The following ZMAT4 variants were observed in gnomAD, a reference collection of about 807,000 sequenced individuals.
ZMAT4 encodes the protein zinc finger matrin-type 4, also known as zinc finger matrin-type protein 4.
Under a neutral mutation model 28.7 loss-of-function variants are expected in ZMAT4, and 17 were observed. The ratio of observed to expected loss-of-function variants is 0.59; its 90% CI spans 0.41 to 0.89. The LOEUF (loss-of-function observed/expected upper bound fraction) is 0.89, where lower values mean the gene tolerates loss of function less well. Among genes scored for constraint, ZMAT4 ranks in the 40% least tolerant of loss-of-function variants. ZMAT4 has a pLI of 0.00. For missense variants in ZMAT4, 240 were observed against 283.8 expected (o/e 0.85, Z 1.11); for synonymous variants, 117 against 109.2 (o/e 1.07, Z -0.44).
At chr8:40,621,396 G>T (rs1002825025) in intron 5 of ZMAT4, among the ~76,000 whole-genome samples, 1 of 152,192 alleles carries the variant, frequency 6.6e-6, no homozygotes, top group Non-Finnish European at 1.5e-5. Flanking sequence ...AAATGACTGA[G>T]AGTAGGATAC....
At chr8:40,643,789 CAA>C (rs11416412) in intron 5 of ZMAT4, among the ~76,000 whole-genome samples, 29 of 137,622 alleles carry the variant, frequency 2.1e-4, no homozygotes, top group Non-Finnish European at 2.4e-4. Context: ...TGTGTGTGTG[CAA>C]AAAAAAAAAA....
intron 6 of ZMAT4, among the ~76,000 whole-genome samples, chr8:40,546,035 G>C (rs192636285): frequency 6.6e-6 from 1 of 151,926 alleles, no homozygotes; most frequent in East Asian, 1.9e-4. Context: ...GGAAGTTACG[G>C]AGCCAGTGTA....
At chr8:40,700,228 T>C (rs1810074654) in intron 3 of ZMAT4, among the ~76,000 whole-genome samples, 1 of 149,970 alleles carries the variant, frequency 6.7e-6, no homozygotes, top group Non-Finnish European at 1.5e-5. Flanking sequence ...TGGACTCACA[T>C]ACTCCTAATT....
intron 1 of ZMAT4, among the ~76,000 whole-genome samples, chr8:40,881,474 AGAAAGAAAG>A (rs1219693978): frequency 2.0e-5 from 3 of 148,290 alleles, no homozygotes; most frequent in African/African-American, 7.5e-5. Flanking sequence ...AAAGAAAGAA[AGAAAGAAAG>A]AAAGAAAGAA....
At chr8:40,536,388 C>T (rs1802847775) in intron 6 of ZMAT4, among the ~76,000 whole-genome samples, 1 of 152,202 alleles carries the variant, frequency 6.6e-6, no homozygotes, top group Admixed American at 6.5e-5. Context: ...TTGCAGTCAG[C>T]TCTGCAGCCT....
intron 4 of ZMAT4, among the ~76,000 whole-genome samples, chr8:40,681,333 T>TA (rs1219395051): frequency 6.6e-6 from 1 of 152,244 alleles, no homozygotes; most frequent in Non-Finnish European, 1.5e-5. Context: ...GCATTTTTTC[T>TA]AAAAAACACT....
chr8:40,818,647 G>T (rs1461968676), intron 2 of ZMAT4, among the ~76,000 whole-genome samples: 1 of 152,182 alleles, frequency 6.6e-6, no homozygotes, highest in Non-Finnish European at 1.5e-5. Flanking sequence ...TACCCAGTTA[G>T]CACTTGCATC....
At position 40,575,948 on chromosome 8, in the gene ZMAT4, A is replaced by G. The variant is rs560855504; in HGVS notation, c.674+5217T>C. Among the ~76,000 whole-genome samples the G allele has an allele frequency of 9.2e-5, 14 of 152,292 alleles. No homozygotes were observed. The South Asian group carries it at 2.9e-3, about 32-fold the overall frequency. Reference sequence around the variant, plus strand: ...ATTCATTATCAGAATGAGAAATTCAACAAAAAGTTAGATATCTCAAAAAAG... The same window carrying G: ...ATTCATTATCAGAATGAGAAATTCAGCAAAAAGTTAGATATCTCAAAAAAG... On this transcript the variant is annotated intron_variant, in intron 6 of 6. Transcript: ENST00000297737.
intron 2 of ZMAT4, among the ~76,000 whole-genome samples, chr8:40,794,109 T>G (rs1454492805): frequency 6.6e-6 from 1 of 152,192 alleles, no homozygotes; most frequent in African/African-American, 2.4e-5. Flanking sequence ...TTTTGGAAAT[T>G]TTTGAACTCA....
intron 2 of ZMAT4, 88 bp from the exon 3 acceptor site, chr8:40,767,818 G>T: frequency 9.4e-7 from 1 of 1,059,088 alleles, no homozygotes; most frequent in Non-Finnish European, 1.4e-6. Context: ...AATGCAAAAA[G>T]AAATGTATTT....
At chr8:40,792,899 T>G (rs1037359958) in intron 2 of ZMAT4, among the ~76,000 whole-genome samples, 1 of 151,822 alleles carries the variant, frequency 6.6e-6, no homozygotes, top group African/African-American at 2.4e-5. Flanking sequence ...TTCTAAATAA[T>G]GGAAAACTAT....
intron 1 of ZMAT4, among the ~76,000 whole-genome samples, chr8:40,863,909 A>G (rs1356050865): frequency 6.6e-6 from 1 of 152,200 alleles, no homozygotes; most frequent in Admixed American, 6.5e-5. Context: ...ATATCAAAAT[A>G]ATTATCACAC....
Position 40,795,226 on chromosome 8 carries a change from T to C in ZMAT4, c.103-27496A>G, listed in dbSNP as rs375372574. On this transcript the variant is annotated intron_variant, in intron 2 of 6. Coordinates refer to ENST00000297737, the MANE Select transcript of ZMAT4 (RefSeq NM_024645.3). ...CAAGCATCCGATCATTGCAGCTGAT[T>C]TGGGGGCAAACCTCCAAGAACAGTT... Among the ~76,000 whole-genome samples, 34 of 152,258 alleles carry C rather than the reference T, an allele frequency of 2.2e-4. 1 individual carries two copies. Among genetic ancestry groups the C allele is most frequent in the Non-Finnish European group, 3.7e-4 (25 of 68,030 alleles).
At chr8:40,881,282 A>G (rs35015019) in intron 1 of ZMAT4, among the ~76,000 whole-genome samples, 32,658 of 151,160 alleles carry the variant, frequency 0.22, 3,598 homozygotes, top group Admixed American at 0.25. Context: ...CTGGCTACTG[A>G]GGAGGCTGAG....
chr8:40,622,017 C>A (rs1324271899), intron 5 of ZMAT4, among the ~76,000 whole-genome samples: 3 of 152,138 alleles, frequency 2.0e-5, no homozygotes, highest in Non-Finnish European at 2.9e-5. Context: ...CATTTCAATT[C>A]ACTATAAGAA....
chr8:40,707,598 TGTGA>T (rs1029009501), intron 3 of ZMAT4, among the ~76,000 whole-genome samples: 5 of 151,650 alleles, frequency 3.3e-5, no homozygotes, highest in African/African-American at 1.2e-4. Context: ...TATCTTTGTG[TGTGA>T]GTATGTATAT....
intron 2 of ZMAT4, among the ~76,000 whole-genome samples, chr8:40,806,405 G>A (rs2150591966): frequency 6.6e-6 from 1 of 152,260 alleles, no homozygotes; most frequent in South Asian, 2.1e-4. Flanking sequence ...TCACACATAT[G>A]AAAAATGTCC....
At chr8:40,762,493 T>C (rs143342903) in intron 3 of ZMAT4, among the ~76,000 whole-genome samples, 1 of 146,842 alleles carries the variant, frequency 6.8e-6, no homozygotes, top group Non-Finnish European at 1.5e-5. Context: ...TCTCTACAAA[T>C]TTTTTTTTTT....
intron 5 of ZMAT4, among the ~76,000 whole-genome samples, chr8:40,633,948 C>A (rs1563377055): frequency 6.6e-6 from 1 of 152,130 alleles, no homozygotes; most frequent in Non-Finnish European, 1.5e-5. Context: ...CAGGAAATAG[C>A]AACCAGGCAG....
Sources: gnomAD v4.1 joint callset for allele counts (sites outside exome capture counted in the v4.1 genomes callset) on GRCh38, gnomAD v4.1.1 for gene constraint, MANE v1.5 for transcripts, NCBI Gene and HGNC (gene_info 2026-07-23, HGNC 2026-07-21) for gene names.